Variants in GALNT13 observed in about 807,000 individuals in gnomAD.
The protein encoded by GALNT13 is UDP-GalNAc:polypeptide N-acetylgalactosaminyltransferase 13.
GALNT13 carries 28 observed loss-of-function variants against 64.2 expected under a neutral mutation model. That is an observed-to-expected ratio of 0.44 (90% CI 0.32 to 0.60). The LOEUF is 0.60. Ranked by LOEUF, GALNT13 falls within the 20% of genes least tolerant of loss-of-function variation. GALNT13 has a pLI of 0.05. For missense variants in GALNT13, 577 were observed against 669.8 expected, an observed-to-expected ratio of 0.86 and a Z score of 1.53; for synonymous variants, 214 against 224.6, an observed-to-expected ratio of 0.95 and a Z score of 0.42.
the GALNT13 span, among the ~76,000 whole-genome samples, chr2:153,499,244 A>C: frequency 6.6e-6 from 1 of 152,214 alleles, no homozygotes; most frequent in Admixed American, 6.5e-5. Context: ...TAAGTGACAG[A>C]ACAGCTCTCA....
chr2:154,334,340 T>A (rs1360470888), intron 9 of GALNT13, among the ~76,000 whole-genome samples: 1 of 151,968 alleles, frequency 6.6e-6, no homozygotes, highest in Non-Finnish European at 1.5e-5. Flanking sequence ...TGTAAATTCA[T>A]TATAAATTCA....
At chr2:153,685,837 A>G in the GALNT13 span, among the ~76,000 whole-genome samples, 1 of 151,392 alleles carries the variant, frequency 6.6e-6, no homozygotes, top group Non-Finnish European at 1.5e-5. Flanking sequence ...TATAAGGTAT[A>G]AGGAAGGGGA....
chr2:153,149,969 T>A, the GALNT13 span, among the ~76,000 whole-genome samples: 1 of 151,838 alleles, frequency 6.6e-6, no homozygotes, highest in African/African-American at 2.4e-5. Flanking sequence ...TAGACAACTT[T>A]CAGTGGTTCA....
chr2:153,133,853 A>C, the GALNT13 span, among the ~76,000 whole-genome samples: 2,700 of 152,312 alleles, frequency 0.018, 39 homozygotes, highest in Middle Eastern at 0.034. Flanking sequence ...CTGGAAGATA[A>C]GAGCTGTTTT....
At chr2:153,433,724 C>A in the GALNT13 span, among the ~76,000 whole-genome samples, 2 of 152,050 alleles carry the variant, frequency 1.3e-5, no homozygotes, top group Non-Finnish European at 2.9e-5. Context: ...ACTTCAACAA[C>A]TTTTTACCCT....
intron 3 of GALNT13, among the ~76,000 whole-genome samples, chr2:154,135,189 G>A (rs1476048360): frequency 1.3e-5 from 2 of 151,916 alleles, no homozygotes; most frequent in Non-Finnish European, 2.9e-5. Flanking sequence ...CTTCCTGCCT[G>A]CCTGCCTTCC....
At chr2:153,528,175 C>T in the GALNT13 span, among the ~76,000 whole-genome samples, 1 of 151,786 alleles carries the variant, frequency 6.6e-6, no homozygotes, top group East Asian at 1.9e-4. Context: ...CTGTTCTCTA[C>T]AAGAAACACA....
At chr2:153,959,875 C>T (rs1232749309) in intron 3 of GALNT13, among the ~76,000 whole-genome samples, 1 of 152,010 alleles carries the variant, frequency 6.6e-6, no homozygotes, top group African/African-American at 2.4e-5. Flanking sequence ...CCTGTACAGG[C>T]AGGTAACTGA....
the GALNT13 span, among the ~76,000 whole-genome samples, chr2:153,094,249 A>G: frequency 6.6e-6 from 1 of 151,816 alleles, no homozygotes; most frequent in African/African-American, 2.4e-5. Flanking sequence ...TTTTTGATGT[A>G]GGCACTTATA....
chr2:153,275,777 A>G, the GALNT13 span, among the ~76,000 whole-genome samples: 1 of 152,134 alleles, frequency 6.6e-6, no homozygotes, highest in Non-Finnish European at 1.5e-5. Context: ...AGTCTTATGT[A>G]CAATTGTCAG....
At chr2:153,184,412 G>T in the GALNT13 span, among the ~76,000 whole-genome samples, 1 of 152,150 alleles carries the variant, frequency 6.6e-6, no homozygotes, top group Admixed American at 6.6e-5. Flanking sequence ...TATGTCATCT[G>T]CAAACAAAGA....
intron 4 of GALNT13, among the ~76,000 whole-genome samples, chr2:154,141,512 C>T (rs1558982167): frequency 6.6e-6 from 1 of 152,054 alleles, no homozygotes; most frequent in East Asian, 1.9e-4. Flanking sequence ...CAAACATACA[C>T]ATTAGCCTAG....
chr2:154,097,181 T>C (rs1702118352), intron 3 of GALNT13, among the ~76,000 whole-genome samples: 1 of 151,998 alleles, frequency 6.6e-6, no homozygotes, highest in South Asian at 2.1e-4. Context: ...TGTTATCGAG[T>C]GCTTACTATG....
chr2:153,188,584 C>T, the GALNT13 span, among the ~76,000 whole-genome samples: 1 of 152,052 alleles, frequency 6.6e-6, no homozygotes, highest in Admixed American at 6.6e-5. Context: ...TGTCTAACTC[C>T]AGGAACTTTT....
chr2:153,428,266 G>C, the GALNT13 span, among the ~76,000 whole-genome samples: 2 of 152,164 alleles, frequency 1.3e-5, no homozygotes, highest in African/African-American at 4.8e-5. Context: ...GCATCTGCTT[G>C]GCTTCCTGGT....
At chr2:153,506,090 T>A in the GALNT13 span, among the ~76,000 whole-genome samples, 6 of 152,132 alleles carry the variant, frequency 3.9e-5, no homozygotes, top group Non-Finnish European at 7.3e-5. Flanking sequence ...ACTTTTATCA[T>A]TATATAATGT....
At chr2:153,074,780 C>T in the GALNT13 span, among the ~76,000 whole-genome samples, 17 of 152,132 alleles carry the variant, frequency 1.1e-4, no homozygotes, top group African/African-American at 3.6e-4. Flanking sequence ...TTCTCTGTCA[C>T]CCAGAGTGCA....
chr2:153,586,898 ATACATGGAAAT>A, the GALNT13 span, among the ~76,000 whole-genome samples: 2 of 152,178 alleles, frequency 1.3e-5, no homozygotes, highest in East Asian at 3.9e-4. Context: ...AATTGTACCA[ATACATGGAAAT>A]TAACCTGCTC....
intron 9 of GALNT13, among the ~76,000 whole-genome samples, chr2:154,333,716 A>G (rs1197673175): frequency 6.6e-6 from 1 of 152,106 alleles, no homozygotes; most frequent in Non-Finnish European, 1.5e-5. Context: ...GACTAATAGC[A>G]ATTATAAATG....
Sources: gnomAD v4.1 joint callset for allele counts (sites outside exome capture counted in the v4.1 genomes callset) on GRCh38, gnomAD v4.1.1 for gene constraint, MANE v1.5 for transcripts, NCBI Gene and HGNC (gene_info 2026-07-23, HGNC 2026-07-21) for gene names.